ARHGAP8: variants seen among roughly 807,000 people sequenced by gnomAD.
ARHGAP8 encodes the protein rho GTPase-activating protein 8.
ARHGAP8 carries 62 observed loss-of-function variants against 46.1 expected under a neutral mutation model. The ratio of observed to expected loss-of-function variants is 1.34; its 90% confidence interval spans 1.10 to 1.66. The LOEUF (loss-of-function observed/expected upper bound fraction) is 1.66. Among genes scored for constraint, ARHGAP8 ranks in the 40% most tolerant of loss-of-function variants. ARHGAP8 has a pLI of 0.00. For synonymous variants in ARHGAP8, 375 were observed against 243.1 expected (o/e 1.54, Z -5.05); for missense variants, 923 against 568.4 (o/e 1.62, Z -6.34).
chr22:44,829,199 G>A (rs1930759851), intron 7 of ARHGAP8, among the ~76,000 whole-genome samples: 1 of 150,732 alleles, frequency 6.6e-6, no homozygotes, highest in Non-Finnish European at 1.5e-5. Flanking sequence ...CCTGAGGCAG[G>A]AGAATTGCTT....
At chr22:44,801,952 AG>A in intron 2 of ARHGAP8, 124 bp from the exon 3 acceptor site, 1 of 1,099,428 alleles carries the variant, frequency 9.1e-7, no homozygotes, top group Middle Eastern at 2.1e-4. Context: ...GTCGCCTCCG[AG>A]GAACGCTGCT....
chr22:44,835,920 G>C (rs186887567), intron 7 of ARHGAP8, among the ~76,000 whole-genome samples: 30 of 152,290 alleles, frequency 2.0e-4, no homozygotes, highest in African/African-American at 6.3e-4. Context: ...CCATGTGGCT[G>C]TCTGGAGACT....
chr22:44,777,541 C>G (rs566797244), intron 1 of ARHGAP8, among the ~76,000 whole-genome samples: 11 of 152,092 alleles, frequency 7.2e-5, no homozygotes, highest in Admixed American at 6.6e-4. Flanking sequence ...TCTGTTGGGC[C>G]TGAAGTCTCC....
chr22:44,853,440 C>G (rs1601523635), intron 10 of ARHGAP8, among the ~76,000 whole-genome samples: 1 of 152,156 alleles, frequency 6.6e-6, no homozygotes, highest in Admixed American at 6.5e-5. Flanking sequence ...GAAATGTTAG[C>G]TTGGAGCGTC....
At position 44,839,591 on chromosome 22, in the gene ARHGAP8, C is replaced by T. The variant is rs541687876; in HGVS notation, c.597-5678C>T. Among the ~76,000 whole-genome samples, 12 of 152,326 alleles carry T rather than the reference C, an allele frequency of 7.9e-5. No individual in the cohort carries two copies. The South Asian group carries it at 2.5e-3, about 32-fold the overall frequency. Reference sequence around the variant, plus strand: ...CCCAGGCCGGGCTTGCCTCCCTGTGCCACCTCTCAATTGTGGGACCTTGAG... The same window carrying T: ...CCCAGGCCGGGCTTGCCTCCCTGTGTCACCTCTCAATTGTGGGACCTTGAG... On this transcript the variant is annotated intron_variant, in intron 7 of 11. Coordinates refer to ENST00000356099, the MANE Select transcript of ARHGAP8 (RefSeq NM_181335.3).
At chr22:44,779,611 G>A (rs1926693019) in intron 1 of ARHGAP8, among the ~76,000 whole-genome samples, 2 of 149,652 alleles carry the variant, frequency 1.3e-5, no homozygotes, top group African/African-American at 5.0e-5. Context: ...ACCCAGGCTG[G>A]AGTGCAGTGG....
chr22:44,799,371 G>T (rs373469129), intron 2 of ARHGAP8, among the ~76,000 whole-genome samples: 161 of 152,338 alleles, frequency 1.1e-3, no homozygotes, highest in African/African-American at 3.7e-3. Context: ...TCCACAGACC[G>T]GCCAGAGGGC....
intron 1 of ARHGAP8, among the ~76,000 whole-genome samples, chr22:44,778,832 G>A (rs9614922): frequency 0.2 from 29,659 of 151,980 alleles, 3,921 homozygotes; most frequent in African/African-American, 0.38. Flanking sequence ...TCTGCCCCCA[G>A]TTCTAATGGT....
At chr22:44,789,021 A>G (rs1927477477) in intron 2 of ARHGAP8, among the ~76,000 whole-genome samples, 1 of 152,204 alleles carries the variant, frequency 6.6e-6, no homozygotes, top group African/African-American at 2.4e-5. Flanking sequence ...CCTTATGCAT[A>G]TTCTGTCTGC....
chr22:44,860,434 CTGTG>C (rs998247517), intron 11 of ARHGAP8, among the ~76,000 whole-genome samples: 3 of 151,278 alleles, frequency 2.0e-5, no homozygotes, highest in African/African-American at 4.9e-5. Context: ...TGGCCTTTGT[CTGTG>C]TGTGTGTCTA....
chr22:44,810,303 G>A lies in ARHGAP8; in HGVS notation c.299+1865G>A, dbSNP rs117309466. On this transcript the variant is annotated intron_variant, in intron 4 of 11. Coordinates refer to ENST00000356099, the MANE Select transcript of ARHGAP8 (RefSeq NM_181335.3). ...ATTGCCTGGGCTGGAGCACAGTGGCGAGATCTCGGCTCACCACAACCTCCA... is the reference window on the plus strand; with the variant it reads ...ATTGCCTGGGCTGGAGCACAGTGGCAAGATCTCGGCTCACCACAACCTCCA... Among the ~76,000 whole-genome samples the A allele has an allele frequency of 4.3e-3, 645 of 148,440 alleles. 6 individuals are homozygous for A. The highest frequency in any genetic ancestry group is 0.035 in the East Asian group (174 of 4,986).
chr22:44,861,319 C>G (rs3830118), intron 11 of ARHGAP8, among the ~76,000 whole-genome samples: 59,839 of 152,102 alleles, frequency 0.39, 12,028 homozygotes, highest in East Asian at 0.56. Context: ...CTAGCCGCCA[C>G]CTCCATGGGC....
At chr22:44,835,308 C>A (rs993871371) in intron 7 of ARHGAP8, among the ~76,000 whole-genome samples, 5 of 151,620 alleles carry the variant, frequency 3.3e-5, no homozygotes, top group Admixed American at 6.6e-5. Flanking sequence ...TAATTTATAA[C>A]CATCTAGTTC....
intron 7 of ARHGAP8, 68 bp from the exon 8 acceptor site, chr22:44,845,201 G>T: frequency 6.3e-7 from 1 of 1,589,258 alleles, no homozygotes; most frequent in Non-Finnish European, 8.6e-7. Flanking sequence ...GAGGACCAGC[G>T]CCTCTTCTCA....
At chr22:44,862,144 T>A in intron 11 of ARHGAP8, 131 bp from the exon 12 acceptor site, 7 of 1,124,616 alleles carry the variant, frequency 6.2e-6, no homozygotes, top group Non-Finnish European at 8.4e-6. Flanking sequence ...GGGTCCCCAT[T>A]ACTGGCTGCC....
At chr22:44,794,077 G>A (rs983395488) in intron 2 of ARHGAP8, among the ~76,000 whole-genome samples, 9 of 152,322 alleles carry the variant, frequency 5.9e-5, no homozygotes, top group East Asian at 3.9e-4. Context: ...CCAGCTGCTC[G>A]CGTCAACCCA....
chr22:44,840,294 G>C (rs150367241), intron 7 of ARHGAP8, among the ~76,000 whole-genome samples: 1 of 152,104 alleles, frequency 6.6e-6, no homozygotes, highest in Non-Finnish European at 1.5e-5. Context: ...TCAGGATCTC[G>C]GCAGGGCTGC....
intron 10 of ARHGAP8, among the ~76,000 whole-genome samples, chr22:44,855,606 T>C (rs1245457686): frequency 1.3e-5 from 2 of 152,250 alleles, no homozygotes; most frequent in Non-Finnish European, 2.9e-5. Context: ...ATAGTCCTTT[T>C]AACCTTGTTT....
At chr22:44,799,790 G>T (rs990363971) in intron 2 of ARHGAP8, among the ~76,000 whole-genome samples, 3 of 142,750 alleles carry the variant, frequency 2.1e-5, no homozygotes, top group Admixed American at 1.5e-4. Flanking sequence ...AGCCGTGGCC[G>T]TGGAGTGAGA....
Sources: allele counts gnomAD v4.1 joint callset (sites outside exome capture counted in the v4.1 genomes callset), GRCh38; gene constraint gnomAD v4.1.1; transcripts MANE v1.5; gene names NCBI Gene and HGNC (gene_info 2026-07-23, HGNC 2026-07-21).